Variants in EPHA7 observed in about 807,000 individuals in gnomAD.
The protein encoded by EPHA7 is ephrin type-A receptor 7.
A neutral mutation model predicts 112.6 loss-of-function variants in EPHA7; 25 were observed. That is an observed-to-expected ratio of 0.22 (90% CI 0.16 to 0.31). The LOEUF is 0.31. Among genes scored for constraint, EPHA7 ranks in the 10% least tolerant of loss-of-function variants. EPHA7 has a pLI of 1.00. For missense variants in EPHA7, 962 were observed against 1,212.6 expected, an observed-to-expected ratio of 0.79 and a Z score of 3.07; for synonymous variants, 437 against 406.5, an observed-to-expected ratio of 1.07 and a Z score of -0.90.
intron 1 of EPHA7, 98 bp downstream of exon 1, chr6:93,419,126 GCGGGGGAGGGTCGCCCGGCGC>G: frequency 1.4e-6 from 1 of 724,064 alleles, no homozygotes; most frequent in East Asian, 3.3e-5. Context: ...CGGGGAGCCG[GCGGGGGAGGGTCGCCCGGCGC>G]CGGAGGCGCG....
rs71542009 is a variant in EPHA7 at position 93,311,114 on chromosome 6, A to ATTTTTTT, written c.1325-38699_1325-38693dup. Among the ~76,000 whole-genome samples the ATTTTTTT allele has an allele frequency of 2.7e-3, 215 of 78,494 alleles. 19 individuals are homozygous for ATTTTTTT. The highest frequency in any genetic ancestry group is 3.5e-3 in the African/African-American group (59 of 17,016). The allele number at this position is 78,494 out of a possible 152,430, so 51.5% of individuals were successfully genotyped here. On this transcript the variant is annotated intron_variant, in intron 5 of 16. Transcript: ENST00000369303. Reference sequence around the variant, plus strand: ...ACAGGCATGTGCATCATGCCCAGCTATTTTTTTTTTTTTTTTTTTTTTTTT... The same window carrying ATTTTTTT: ...ACAGGCATGTGCATCATGCCCAGCTATTTTTTTTTTTTTTTTTTTTTTTTTTTTTTTT...
chr6:93,362,211 C>T (rs1315153293), intron 3 of EPHA7, among the ~76,000 whole-genome samples: 1 of 151,766 alleles, frequency 6.6e-6, no homozygotes, highest in Non-Finnish European at 1.5e-5. Flanking sequence ...TCTTTAAATG[C>T]AAAACCACCA....
At chr6:93,247,597 G>T (rs1770011602) in intron 14 of EPHA7, among the ~76,000 whole-genome samples, 2 of 152,120 alleles carry the variant, frequency 1.3e-5, no homozygotes, top group African/African-American at 2.4e-5. Flanking sequence ...CCTTACACTG[G>T]CAGATTGAAA....
intron 5 of EPHA7, among the ~76,000 whole-genome samples, chr6:93,322,193 CTG>C (rs1774107184): frequency 6.6e-6 from 1 of 151,534 alleles, no homozygotes; most frequent in Non-Finnish European, 1.5e-5. Context: ...AAAATTTACA[CTG>C]TATGTAATTT....
chr6:93,250,030 A>G (rs909811396), intron 14 of EPHA7, among the ~76,000 whole-genome samples: 1 of 152,206 alleles, frequency 6.6e-6, no homozygotes, highest in African/African-American at 2.4e-5. Flanking sequence ...CTTCAAAGTG[A>G]AACTCCTAGC....
chr6:93,385,275 AAT>A (rs1236553426), intron 3 of EPHA7, among the ~76,000 whole-genome samples: 4 of 152,124 alleles, frequency 2.6e-5, no homozygotes, highest in Non-Finnish European at 5.9e-5. Flanking sequence ...GAAGAGAAAA[AAT>A]ATATGTGTAC....
intron 5 of EPHA7, among the ~76,000 whole-genome samples, chr6:93,352,434 T>C (rs879564637): frequency 2.6e-5 from 4 of 152,128 alleles, no homozygotes; most frequent in African/African-American, 4.8e-5. Flanking sequence ...TTTACTTTTA[T>C]ACTCTTACAT....
chr6:93,413,417 C>G (rs1779072741), intron 2 of EPHA7, among the ~76,000 whole-genome samples: 1 of 151,876 alleles, frequency 6.6e-6, no homozygotes, highest in Non-Finnish European at 1.5e-5. Flanking sequence ...TACTTCTCCT[C>G]AGAGATAAAA....
At chr6:93,344,998 T>C (rs1234176521) in intron 5 of EPHA7, among the ~76,000 whole-genome samples, 1 of 151,564 alleles carries the variant, frequency 6.6e-6, no homozygotes, top group Non-Finnish European at 1.5e-5. Context: ...CCTACCACCA[T>C]TCGAATGCCC....
intron 5 of EPHA7, among the ~76,000 whole-genome samples, chr6:93,335,929 T>C (rs1774845884): frequency 6.6e-6 from 1 of 152,104 alleles, no homozygotes; most frequent in African/African-American, 2.4e-5. Flanking sequence ...GATCTGAACA[T>C]GTATCCAGTA....
At chr6:93,370,543 T>C (rs1776737186) in intron 3 of EPHA7, among the ~76,000 whole-genome samples, 1 of 152,190 alleles carries the variant, frequency 6.6e-6, no homozygotes, top group Non-Finnish European at 1.5e-5. Context: ...GGCTCTCTTT[T>C]AAATATTTAA....
In EPHA7 at chr6:93,358,265, C is replaced by T; in HGVS notation, c.979G>A (p.Ala327Thr). 1.2e-6 allele frequency: 2 copies of T among 1,607,586 alleles called. No homozygotes were observed. Among genetic ancestry groups the T allele is most frequent in the Non-Finnish European group, 1.7e-6 (2 of 1,176,664 alleles). ...TCATAATACAACTCACTTGTGCACG[C>T]AACGTATGGTGGGTCAGATGGAGCC... ...YRAPSDPPYV[A>T]CTRPPSAPQN... The change falls in exon 4 of 17, where the codon GCG (alanine) becomes ACG (threonine). Residue 327 changes from alanine (A) to threonine (T), a missense_variant. Ala to Thr is a moderately conservative substitution (Grantham distance 58). Coordinates refer to ENST00000369303, the MANE Select transcript of EPHA7 (RefSeq NM_004440.4).
intron 14 of EPHA7, among the ~76,000 whole-genome samples, chr6:93,247,940 C>T (rs1001346278): frequency 6.6e-6 from 1 of 152,020 alleles, no homozygotes; most frequent in Middle Eastern, 3.4e-3. Context: ...AAAAATAGAT[C>T]TTAAAAACCT....
At chr6:93,397,233 G>A (rs966826685) in intron 3 of EPHA7, among the ~76,000 whole-genome samples, 1 of 151,632 alleles carries the variant, frequency 6.6e-6, no homozygotes, top group Non-Finnish European at 1.5e-5. Context: ...CATCCATGAT[G>A]CTCAATTTTT....
At chr6:93,263,192 A>G (rs1203760572) in intron 9 of EPHA7, among the ~76,000 whole-genome samples, 1 of 151,368 alleles carries the variant, frequency 6.6e-6, no homozygotes, top group Non-Finnish European at 1.5e-5. Context: ...AAGTAATAAC[A>G]GTTACTCTCA....
At chr6:93,418,869 G>T (rs1444228351) in intron 1 of EPHA7, among the ~76,000 whole-genome samples, 1 of 152,206 alleles carries the variant, frequency 6.6e-6, no homozygotes, top group East Asian at 1.9e-4. Flanking sequence ...CACAGAAGGC[G>T]AATAAGGAGA....
chr6:93,308,939 A>G (rs1054726974), intron 5 of EPHA7, among the ~76,000 whole-genome samples: 1 of 150,920 alleles, frequency 6.6e-6, no homozygotes, highest in Non-Finnish European at 1.5e-5. Context: ...TTACTTACAA[A>G]TAATTCAAAC....
intron 5 of EPHA7, among the ~76,000 whole-genome samples, chr6:93,317,467 T>C (rs144720018): frequency 6.6e-6 from 1 of 152,314 alleles, no homozygotes; most frequent in African/African-American, 2.4e-5. Flanking sequence ...TATTTTTACA[T>C]ATGAATTATA....
chr6:93,249,168 C>T (rs1394673570), intron 14 of EPHA7, among the ~76,000 whole-genome samples: 2 of 152,106 alleles, frequency 1.3e-5, no homozygotes, highest in Admixed American at 6.6e-5. Flanking sequence ...ACAAATGTTG[C>T]ATATCACTGT....
Sources: allele counts gnomAD v4.1 joint callset (sites outside exome capture counted in the v4.1 genomes callset), GRCh38; gene constraint gnomAD v4.1.1; transcripts MANE v1.5; gene names NCBI Gene and HGNC (gene_info 2026-07-23, HGNC 2026-07-21).